The following IDH1 variants were observed in gnomAD, a reference collection of about 807,000 sequenced individuals.
IDH1 encodes the protein isocitrate dehydrogenase (NADP(+)) 1.
A neutral mutation model predicts 46.1 loss-of-function variants in IDH1; 33 were observed. That is an observed-to-expected ratio of 0.72 (90% CI 0.54 to 0.96). The LOEUF (loss-of-function observed/expected upper bound fraction) is 0.96. Among genes scored for constraint, IDH1 ranks in the 40% least tolerant of loss-of-function variants. IDH1 has a pLI of 0.00. For synonymous variants in IDH1, 144 were observed against 172.8 expected (o/e 0.83, Z 1.31); for missense variants, 421 against 515.7 (o/e 0.82, Z 1.78).
At chr2:208,248,723 G>C in intron 3 of IDH1, 63 bp from the exon 4 acceptor site, 1 of 1,424,052 alleles carries the variant, frequency 7.0e-7, no homozygotes, top group South Asian at 1.1e-5. Flanking sequence ...ACCTACAACT[G>C]CAGTGATGGC....
At chr2:208,252,429 A>G (rs908729829) in intron 2 of IDH1, among the ~76,000 whole-genome samples, 17 of 152,140 alleles carry the variant, frequency 1.1e-4, no homozygotes, top group African/African-American at 4.1e-4. Context: ...TGGGGGTAGC[A>G]TATACAAATC....
chr2:208,240,401 T>C, intron 7 of IDH1: 1 of 163,026 alleles, frequency 6.1e-6, no homozygotes, highest in Non-Finnish European at 1.4e-5. Flanking sequence ...TATTCATAAA[T>C]ATATATGAAT....
chr2:208,253,299 C>T (rs1304207471), intron 2 of IDH1, among the ~76,000 whole-genome samples: 1 of 152,230 alleles, frequency 6.6e-6, no homozygotes, highest in Non-Finnish European at 1.5e-5. Flanking sequence ...CCTCACATTA[C>T]TTAGCCATGA....
chr2:208,243,684 C>T (rs1688431598), intron 5 of IDH1, 80 bp from the exon 6 acceptor site: 1 of 1,145,742 alleles, frequency 8.7e-7, no homozygotes, highest in Non-Finnish European at 1.3e-6. Context: ...AAATCACCCA[C>T]CACAACCAAA....
intron 4 of IDH1, 44 bp downstream of exon 4, chr2:208,248,324 GA>G (rs759746340): frequency 6.7e-4 from 897 of 1,341,832 alleles, no homozygotes; most frequent in Middle Eastern, 1.8e-3. Context: ...TCTGGGCCAT[GA>G]AAAAAAAAAC....
rs930154253 is a variant in IDH1, at chr2:208,236,617, T to C, written c.*462A>G. The C allele has an allele frequency of 2.0e-5, 5 of 246,574 alleles. No individual in the cohort carries two copies. In the Middle Eastern group the frequency reaches 3.6e-3, roughly 177 times the overall value. The allele number at this position is 246,574 out of a possible 1,614,324, so 15.3% of individuals were successfully genotyped here. ...TCGTTCCAGTCATGTGCAAGTTTAA[T>C]GCACAGCTCTACCTCACAAAACGGG... is the stretch of plus-strand genomic sequence containing the variant. On this transcript the variant is annotated 3_prime_UTR_variant, in exon 10 of 10. Transcript: ENST00000345146.
At chr2:208,247,994 C>A in intron 4 of IDH1, 2 of 252,420 alleles carry the variant, frequency 7.9e-6, no homozygotes, top group Non-Finnish European at 1.5e-5. Flanking sequence ...CAAAACAAAA[C>A]CACCAAAAAA....
In IDH1 at chr2:208,254,752, C is replaced by G. The variant is rs78784941; in HGVS notation, c.-91+187G>C. ...TTCTGCATATCCAAGCATCCAGCAT[C>G]CCCTCCTTCCCTTTTCTTTTCCCAT... On this transcript the variant is annotated intron_variant, in intron 1 of 9. Transcript: ENST00000345146. 4.7e-3 allele frequency among the ~76,000 whole-genome samples: 708 copies of G among 152,150 alleles called. 4 individuals carry two copies. The highest frequency in any genetic ancestry group is 0.016 in the African/African-American group (669 of 41,506).
chr2:208,245,449 A>C (rs752314107), intron 4 of IDH1, 25 bp from the exon 5 acceptor site: 1 of 1,289,198 alleles, frequency 7.8e-7, no homozygotes, highest in South Asian at 1.2e-5. Context: ...AAAAGGTATA[A>C]AGAAAAAAAA....
intron 5 of IDH1, among the ~76,000 whole-genome samples, chr2:208,244,487 T>C (rs1687980851): frequency 6.6e-6 from 1 of 152,234 alleles, no homozygotes; most frequent in South Asian, 2.1e-4. Flanking sequence ...TCCTGGAGGA[T>C]ACTGAGCACT....
rs767925620 is a variant in IDH1 at position 208,243,407 on chromosome 2, T to G, written c.698+20A>C. On this transcript the variant is annotated intron_variant, in intron 6 of 9. Coordinates refer to ENST00000345146, the MANE Select transcript of IDH1 (RefSeq NM_005896.4). ...GCTTACTTGAGAATAAAGAAAAAGT[T>G]AAAAAAGAACTATAGTTACTTGTCA... The G allele has an allele frequency of 1.9e-6, 3 of 1,583,148 alleles. No individual in the cohort carries two copies. The East Asian group carries it at 6.7e-5, about 35-fold the overall frequency.
chr2:208,237,867 A>C lies in IDH1; in HGVS notation c.1155-698T>G, dbSNP rs1021563557. ...CTTGAACCCAGGAGGCGGAGGTTGC[A>C]GTGAGCGAAGATCACGCCACTGCAC... On this transcript the variant is annotated intron_variant, in intron 9 of 9. Transcript: ENST00000345146. 2.0e-5 allele frequency among the ~76,000 whole-genome samples: 3 copies of C among 151,152 alleles called. 1 individual carries two copies. Among genetic ancestry groups the C allele is most frequent in the African/African-American group, 7.3e-5 (3 of 41,188 alleles).
At chr2:208,243,404 A>T (rs781228441) in intron 6 of IDH1, 23 bp downstream of exon 6, 1 of 1,566,104 alleles carries the variant, frequency 6.4e-7, no homozygotes, top group Non-Finnish European at 8.8e-7. Context: ...ATAAAGAAAA[A>T]GTTAAAAAAG....
intron 5 of IDH1, 39 bp from the exon 6 acceptor site, chr2:208,243,643 G>T (rs1687964244): frequency 2.0e-6 from 3 of 1,524,734 alleles, no homozygotes; most frequent in South Asian, 2.2e-5. Context: ...AAAGGGAGAA[G>T]AATAAATGTA....
At chr2:208,251,250 T>G (rs1438763977) in intron 3 of IDH1, 180 bp downstream of exon 3, 4 of 520,108 alleles carry the variant, frequency 7.7e-6, no homozygotes, top group Admixed American at 3.7e-5. Flanking sequence ...TTCCCTTTTT[T>G]TTCCTTTTTT....
intron 6 of IDH1, among the ~76,000 whole-genome samples, chr2:208,242,435 T>A (rs1250352211): frequency 6.6e-6 from 1 of 152,210 alleles, no homozygotes; most frequent in Non-Finnish European, 1.5e-5. Context: ...ACTTTTCAGT[T>A]TTCATTATAC....
rs1404716364 is a variant in IDH1 at position 208,236,755 on chromosome 2, C to T, written c.*324G>A. 1.6e-5 allele frequency: 6 copies of T among 369,590 alleles called. No individual in the cohort carries two copies. Among genetic ancestry groups the T allele is most frequent in the Non-Finnish European group, 3.0e-5 (6 of 201,322 alleles). The allele number at this position is 369,590 out of a possible 1,614,324, so 22.9% of individuals were successfully genotyped here. On this transcript the variant is annotated 3_prime_UTR_variant, in exon 10 of 10. Transcript: ENST00000345146. ...AGCAATACTGTGGCTATCATTTACC[C>T]TTTTGAGCAATCTTGATTTTGGTCA...
Position 208,237,013 on chromosome 2 carries a change from A to C in IDH1, c.*66T>G. The C allele has an allele frequency of 1.1e-6, 1 of 875,520 alleles. No homozygotes were observed. Among genetic ancestry groups the C allele is most frequent in the Non-Finnish European group, 1.9e-6 (1 of 531,982 alleles). The allele number at this position is 875,520 out of a possible 1,614,324, so 54.2% of individuals were successfully genotyped here. ...TTGCCTTTATCCTTGAGTGTAACACAGAAAAATGTAAACCTGTAGACCTAG... is the reference window on the plus strand; with the variant it reads ...TTGCCTTTATCCTTGAGTGTAACACCGAAAAATGTAAACCTGTAGACCTAG... On this transcript the variant is annotated 3_prime_UTR_variant, in exon 10 of 10. Coordinates refer to ENST00000345146, the MANE Select transcript of IDH1 (RefSeq NM_005896.4).
chr2:208,252,794 G>T (rs1359919414), intron 2 of IDH1, among the ~76,000 whole-genome samples: 1 of 152,200 alleles, frequency 6.6e-6, no homozygotes, highest in Admixed American at 6.5e-5. Flanking sequence ...CAATCCCCAG[G>T]CCCATTTTCA....
Sources: allele counts gnomAD v4.1 joint callset (sites outside exome capture counted in the v4.1 genomes callset), GRCh38; gene constraint gnomAD v4.1.1; transcripts MANE v1.5; gene names NCBI Gene and HGNC (gene_info 2026-07-23, HGNC 2026-07-21).